Variants in NKAIN2 observed in about 807,000 individuals in gnomAD.
NKAIN2 encodes the protein sodium/potassium-transporting ATPase subunit beta-1-interacting protein 2.
Under a neutral mutation model 32.6 loss-of-function variants are expected in NKAIN2, and 14 were observed. That is an observed-to-expected ratio of 0.43 (90% CI 0.28 to 0.67). NKAIN2 has a LOEUF of 0.67. Ranked by LOEUF, NKAIN2 falls within the 30% of genes least tolerant of loss-of-function variation. The pLI is 0.17. For missense variants in NKAIN2, 198 were observed against 258.3 expected, an observed-to-expected ratio of 0.77 and a Z score of 1.60; for synonymous variants, 80 against 87.2, an observed-to-expected ratio of 0.92 and a Z score of 0.46.
chr6:124,171,394 A>G (rs1788847220), intron 1 of NKAIN2, among the ~76,000 whole-genome samples: 2 of 152,116 alleles, frequency 1.3e-5, no homozygotes, highest in Admixed American at 1.3e-4. Flanking sequence ...TAAAAGATAT[A>G]AGTTAGAAAA....
chr6:124,222,629 C>T (rs1791893661), intron 1 of NKAIN2, among the ~76,000 whole-genome samples: 1 of 152,096 alleles, frequency 6.6e-6, no homozygotes, highest in Non-Finnish European at 1.5e-5. Context: ...CAGGTGATAT[C>T]ACCCAGAACA....
intron 1 of NKAIN2, among the ~76,000 whole-genome samples, chr6:123,897,530 G>A (rs891629637): frequency 3.9e-5 from 6 of 152,122 alleles, no homozygotes; most frequent in Non-Finnish European, 5.9e-5. Flanking sequence ...GTAATCACAT[G>A]TGGATTTTTG....
chr6:124,244,196 C>T (rs898936012), intron 1 of NKAIN2, among the ~76,000 whole-genome samples: 10 of 149,942 alleles, frequency 6.7e-5, no homozygotes, highest in African/African-American at 2.2e-4. Flanking sequence ...CCCACTAACT[C>T]GTCATCTAGC....
At chr6:124,298,496 A>G (rs575310546) in intron 2 of NKAIN2, among the ~76,000 whole-genome samples, 23 of 152,258 alleles carry the variant, frequency 1.5e-4, no homozygotes, top group African/African-American at 4.1e-4. Context: ...CTGCTGCGCT[A>G]AAGATGTTCC....
intron 2 of NKAIN2, among the ~76,000 whole-genome samples, chr6:124,344,845 C>T (rs1204691811): frequency 2.0e-5 from 3 of 152,044 alleles, no homozygotes; most frequent in East Asian, 1.9e-4. Context: ...GCCTGATTGC[C>T]CTGGCCAGAA....
In NKAIN2 at chr6:124,411,821, A is replaced by G. The variant is rs191746488; in HGVS notation, c.273+56474A>G. 2.2e-3 allele frequency among the ~76,000 whole-genome samples: 338 copies of G among 152,314 alleles called. 1 individual carries two copies. The highest frequency in any genetic ancestry group is 3.8e-3 in the Non-Finnish European group (256 of 68,022). On this transcript the variant is annotated intron_variant, in intron 3 of 6. Coordinates refer to ENST00000368417, the MANE Select transcript of NKAIN2 (RefSeq NM_001040214.3). ...CTCTCCGTCACTTTCAGGTACACCA[A>G]TCAGACATGGATTTGGTCTTTTCAC...
At chr6:124,642,030 G>A (rs578094732) in intron 3 of NKAIN2, among the ~76,000 whole-genome samples, 7 of 152,086 alleles carry the variant, frequency 4.6e-5, no homozygotes, top group Non-Finnish European at 1.0e-4. Context: ...ATTGAATTAT[G>A]ATATATAATC....
chr6:123,895,357 G>T (rs916523221), intron 1 of NKAIN2, among the ~76,000 whole-genome samples: 1 of 151,878 alleles, frequency 6.6e-6, no homozygotes, highest in Admixed American at 6.6e-5. Flanking sequence ...GTCTTTTTGG[G>T]TCCCTCCAAA....
intron 3 of NKAIN2, among the ~76,000 whole-genome samples, chr6:124,558,410 T>A (rs1351107063): frequency 9.8e-6 from 1 of 101,836 alleles, no homozygotes; most frequent in Non-Finnish European, 2.3e-5. Context: ...TTCTACTCCA[T>A]TTTTTTTCAT....
intron 3 of NKAIN2, among the ~76,000 whole-genome samples, chr6:124,531,916 C>T (rs1051132740): frequency 1.3e-5 from 2 of 152,162 alleles, no homozygotes; most frequent in African/African-American, 4.8e-5. Flanking sequence ...GGCAATACAC[C>T]TGCCTTGTCC....
At chr6:124,137,070 T>C (rs974778067) in intron 1 of NKAIN2, among the ~76,000 whole-genome samples, 1 of 152,068 alleles carries the variant, frequency 6.6e-6, no homozygotes, top group Non-Finnish European at 1.5e-5. Context: ...GAAGTCAAAC[T>C]GTCACTGTTT....
At chr6:123,818,879 A>G (rs938801215) in intron 1 of NKAIN2, among the ~76,000 whole-genome samples, 87 of 152,196 alleles carry the variant, frequency 5.7e-4, no homozygotes, top group African/African-American at 2.0e-3. Flanking sequence ...ACAAAACGTT[A>G]TAAACTTAGA....
At chr6:124,624,655 A>T (rs556288806) in intron 3 of NKAIN2, among the ~76,000 whole-genome samples, 1 of 152,308 alleles carries the variant, frequency 6.6e-6, no homozygotes, top group East Asian at 1.9e-4. Context: ...CCTTCCCCAA[A>T]AGCAGGAAAC....
intron 3 of NKAIN2, among the ~76,000 whole-genome samples, chr6:124,458,037 A>G (rs909271950): frequency 4.6e-5 from 7 of 151,964 alleles, no homozygotes; most frequent in Non-Finnish European, 1.0e-4. Flanking sequence ...TTGAATCCTG[A>G]TAGCCTCTAA....
intron 1 of NKAIN2, among the ~76,000 whole-genome samples, chr6:123,913,226 G>T (rs540779308): frequency 1.4e-4 from 22 of 152,058 alleles, no homozygotes; most frequent in African/African-American, 5.3e-4. Flanking sequence ...TACATTTTTG[G>T]GATAGATTAA....
At chr6:123,948,169 T>C (rs750610180) in intron 1 of NKAIN2, among the ~76,000 whole-genome samples, 1 of 152,124 alleles carries the variant, frequency 6.6e-6, no homozygotes, top group Non-Finnish European at 1.5e-5. Flanking sequence ...CATTTGTCTA[T>C]TGATGGACAC....
intron 1 of NKAIN2, among the ~76,000 whole-genome samples, chr6:124,140,336 C>T (rs529364865): frequency 3.3e-5 from 5 of 152,180 alleles, no homozygotes; most frequent in African/African-American, 7.2e-5. Context: ...ATTTATAATA[C>T]GCATCATGTT....
chr6:123,987,381 T>A (rs1383946184), intron 1 of NKAIN2, among the ~76,000 whole-genome samples: 1 of 152,172 alleles, frequency 6.6e-6, no homozygotes, highest in African/African-American at 2.4e-5. Context: ...TAATGATCTG[T>A]TTTTGGAATG....
intron 1 of NKAIN2, among the ~76,000 whole-genome samples, chr6:124,005,182 G>T (rs140721775): frequency 3.3e-5 from 5 of 152,018 alleles, no homozygotes; most frequent in African/African-American, 1.2e-4. Context: ...CCGAGATCTC[G>T]CCATTGTACT....
Sources: allele counts gnomAD v4.1 joint callset (sites outside exome capture counted in the v4.1 genomes callset), GRCh38; gene constraint gnomAD v4.1.1; transcripts MANE v1.5; gene names NCBI Gene and HGNC (gene_info 2026-07-23, HGNC 2026-07-21).